BDP1: variants seen among roughly 807,000 people sequenced by gnomAD.
The protein encoded by BDP1 is BDP1 general transcription factor IIIB subunit, also known as transcription factor TFIIIB component B'' homolog.
In BDP1, 169 loss-of-function variants were observed where a neutral mutation model predicts 266.6. The observed-to-expected ratio is 0.63, with a 90% CI of 0.56 to 0.72. The LOEUF (loss-of-function observed/expected upper bound fraction) is 0.72. Ranked by LOEUF, BDP1 falls within the 30% of genes least tolerant of loss-of-function variation. BDP1 has a pLI of 0.00. For missense variants in BDP1, 3,015 were observed against 3,053.8 expected (o/e 0.99, Z 0.30); for synonymous variants, 1,090 against 1,022.4 (o/e 1.07, Z -1.26).
chr5:71,559,726 T>C (rs547125580), intron 36 of BDP1, among the ~76,000 whole-genome samples: 31 of 152,320 alleles, frequency 2.0e-4, no homozygotes, highest in Non-Finnish European at 1.5e-5. Flanking sequence ...TCAGGAAATA[T>C]TTCTGGGAAA....
At chr5:71,470,848 C>T (rs1278930723) in intron 7 of BDP1, among the ~76,000 whole-genome samples, 1 of 151,168 alleles carries the variant, frequency 6.6e-6, no homozygotes, top group Non-Finnish European at 1.5e-5. Context: ...ATCTTGGCCT[C>T]CCAAAGTGTT....
At chr5:71,519,193 G>GATAT (rs1765375838) in intron 22 of BDP1, among the ~76,000 whole-genome samples, 1 of 151,338 alleles carries the variant, frequency 6.6e-6, no homozygotes, top group African/African-American at 2.4e-5. Flanking sequence ...ATTTTTTTTT[G>GATAT]ATATATAATA....
At chr5:71,517,295 C>T (rs950309804) in intron 21 of BDP1, 27 bp from the exon 22 acceptor site, 2 of 1,546,606 alleles carry the variant, frequency 1.3e-6, no homozygotes. Flanking sequence ...ATAAAAATAA[C>T]ATACTAATAT....
At chr5:71,564,641 A>G (rs1743914359) in intron 38 of BDP1, 113 bp from the exon 39 acceptor site, 2 of 912,064 alleles carry the variant, frequency 2.2e-6, no homozygotes, top group Non-Finnish European at 1.6e-6. Flanking sequence ...ATTTATTGCC[A>G]CGTTGCTTTT....
At position 71,491,077 on chromosome 5, in the gene BDP1, G is replaced by T. The variant is rs2150412130; in HGVS notation, c.1586G>T (p.Gly529Val). 2 of 1,613,932 alleles carry T rather than the reference G, an allele frequency of 1.2e-6. No individual in the cohort carries two copies. Among genetic ancestry groups the T allele is most frequent in the East Asian group, 4.5e-5 (2 of 44,870 alleles). Reference sequence around the variant, plus strand: ...ACACAAAACATAGATGGCATTGTGGGTTTTGCCTCCACTGAAAAAGTTGAG... The same window carrying T: ...ACACAAAACATAGATGGCATTGTGGTTTTTGCCTCCACTGAAAAAGTTGAG... ...SCTQNIDGIVGFASTEKVEKR... is the reference protein window; with the variant it reads ...SCTQNIDGIVVFASTEKVEKR... Residue 529 changes from glycine (G) to valine (V), a missense_variant, in exon 11 of 39, where the codon GGT (glycine) becomes GTT (valine). Physicochemically the swap from Gly to Val is moderately radical, Grantham distance 109. This residue lies in a region of BDP1 where 2,383 missense variants were observed against 2,404.9 expected (regional missense o/e 0.99). Transcript: ENST00000358731.
intron 7 of BDP1, among the ~76,000 whole-genome samples, chr5:71,474,523 G>A (rs1000827862): frequency 6.6e-5 from 10 of 151,730 alleles, no homozygotes; most frequent in African/African-American, 2.4e-4. Context: ...GTACAGATGA[G>A]TTTTCATCAG....
chr5:71,456,436 A>G (rs1761194161), intron 1 of BDP1, among the ~76,000 whole-genome samples: 1 of 152,142 alleles, frequency 6.6e-6, no homozygotes, highest in African/African-American at 2.4e-5. Flanking sequence ...CTTTGCAGGG[A>G]AGTGTTTTTG....
chr5:71,462,759 CAAA>C (rs549285777), intron 3 of BDP1, among the ~76,000 whole-genome samples: 6 of 144,460 alleles, frequency 4.2e-5, no homozygotes, highest in Middle Eastern at 3.5e-3. Context: ...GATCCTGTCT[CAAA>C]AAAAAAAATG....
chr5:71,543,889 T>C (rs779188834), intron 30 of BDP1, among the ~76,000 whole-genome samples: 11 of 152,228 alleles, frequency 7.2e-5, no homozygotes, highest in Admixed American at 2.6e-4. Flanking sequence ...ATGAGAACCA[T>C]GAGAGGTCAC....
downstream of BDP1, among the ~76,000 whole-genome samples, chr5:71,568,635 C>A (rs1363376742): frequency 3.9e-5 from 6 of 152,282 alleles, no homozygotes; most frequent in Middle Eastern, 3.4e-3. Context: ...AAAAATAGAT[C>A]CCATGTCCTC....
chr5:71,489,050 A>C (rs1259821492), intron 9 of BDP1, among the ~76,000 whole-genome samples: 1 of 152,182 alleles, frequency 6.6e-6, no homozygotes, highest in Non-Finnish European at 1.5e-5. Context: ...TCAACTTATG[A>C]TGGGTTTATT....
chr5:71,459,453 A>G (rs188579922), intron 2 of BDP1, among the ~76,000 whole-genome samples: 27 of 152,340 alleles, frequency 1.8e-4, no homozygotes, highest in African/African-American at 5.5e-4. Flanking sequence ...TGGAAGTTGC[A>G]GTGAGCCGAG....
intron 34 of BDP1, among the ~76,000 whole-genome samples, chr5:71,552,571 ACGT>A (rs1296711588): frequency 6.6e-6 from 1 of 152,268 alleles, no homozygotes; most frequent in East Asian, 1.9e-4. Flanking sequence ...CAATCCCGGC[ACGT>A]CGGGAGGCCG....
intron 4 of BDP1, 98 bp downstream of exon 4, chr5:71,464,215 G>A (rs1579980612): frequency 2.7e-6 from 2 of 746,406 alleles, no homozygotes; most frequent in African/African-American, 3.6e-5. Context: ...TTTGATTGGG[G>A]TTGGGCACAG....
intron 16 of BDP1, among the ~76,000 whole-genome samples, chr5:71,506,796 C>CACACAT (rs1764605588): frequency 8.4e-6 from 1 of 119,208 alleles, no homozygotes. Flanking sequence ...AACACACACA[C>CACACAT]ACACACACAC....
chr5:71,525,033 T>G (rs1446746051), intron 25 of BDP1, among the ~76,000 whole-genome samples: 4 of 152,042 alleles, frequency 2.6e-5, no homozygotes, highest in Non-Finnish European at 5.9e-5. Flanking sequence ...CATGTCTACC[T>G]CTTTCTACAC....
chr5:71,564,922 T>C lies in BDP1; in HGVS notation c.*37T>C. ...CTCTTTTTCTTTTTTAAATTAGGTC[T>C]AGGATTTCCAGAGTCAATTACATCA... On this transcript the variant is annotated 3_prime_UTR_variant, in exon 39 of 39. Coordinates refer to ENST00000358731, the MANE Select transcript of BDP1 (RefSeq NM_018429.3). 6.4e-7 allele frequency: 1 copy of C among 1,553,860 alleles called. No individual in the cohort carries two copies.
At chr5:71,463,807 C>T (rs889988129) in intron 3 of BDP1, among the ~76,000 whole-genome samples, 3 of 143,592 alleles carry the variant, frequency 2.1e-5, no homozygotes, top group African/African-American at 7.8e-5. Flanking sequence ...CAGTCTGACA[C>T]AGCAAGACCC....
chr5:71,501,137 A>G (rs1331409373), intron 13 of BDP1, among the ~76,000 whole-genome samples: 1 of 151,896 alleles, frequency 6.6e-6, no homozygotes, highest in Non-Finnish European at 1.5e-5. Flanking sequence ...TAGGATTTTT[A>G]GAAAATCTCC....
Sources: gnomAD v4.1 joint callset for allele counts (sites outside exome capture counted in the v4.1 genomes callset) on GRCh38, gnomAD v4.1.1 for gene constraint, gnomAD v4.1.1 regional missense constraint, MANE v1.5 for transcripts, NCBI Gene and HGNC (gene_info 2026-07-23, HGNC 2026-07-21) for gene names.